The following CCDC60 variants were observed in gnomAD, a reference collection of about 807,000 sequenced individuals.
CCDC60 encodes the protein coiled-coil domain-containing protein 60.
Under a neutral mutation model 63.5 loss-of-function variants are expected in CCDC60, and 54 were observed. The ratio of observed to expected loss-of-function variants is 0.85; its 90% CI spans 0.68 to 1.07. The LOEUF (loss-of-function observed/expected upper bound fraction) is 1.07, where lower values mean the gene tolerates loss of function less well. Among genes scored for constraint, CCDC60 ranks in the 50% least tolerant of loss-of-function variants. CCDC60 has a pLI of 0.00. For missense variants in CCDC60, 651 were observed against 684.3 expected (o/e 0.95, Z 0.54); for synonymous variants, 206 against 238.8 (o/e 0.86, Z 1.27).
intron 7 of CCDC60, among the ~76,000 whole-genome samples, chr12:119,507,721 C>T (rs1395184763): frequency 1.3e-5 from 2 of 148,158 alleles, no homozygotes; most frequent in Non-Finnish European, 3.0e-5. Context: ...GCTCAAACAA[C>T]CCTCCCACCT....
chr12:119,500,323 T>C (rs960976027), intron 6 of CCDC60, among the ~76,000 whole-genome samples, 155 bp downstream of exon 6: 8 of 152,058 alleles, frequency 5.3e-5, no homozygotes, highest in African/African-American at 1.7e-4. Context: ...GGATGGTTTT[T>C]GTAAATTTTA....
intron 4 of CCDC60, chr12:119,479,867 A>AT (rs1342751128): frequency 1.3e-5 from 2 of 152,114 alleles, no homozygotes; most frequent in African/African-American, 4.8e-5. Flanking sequence ...TGTCCTGTGT[A>AT]TTGTAGGATG....
intron 1 of CCDC60, among the ~76,000 whole-genome samples, chr12:119,391,332 C>T (rs1956154924): frequency 6.6e-6 from 1 of 152,238 alleles, no homozygotes; most frequent in African/African-American, 2.4e-5. Flanking sequence ...TTATAGAGGA[C>T]ATTCTGAGCT....
chr12:119,504,981 C>T, intron 6 of CCDC60, 88 bp from the exon 7 acceptor site: 1 of 988,068 alleles, frequency 1.0e-6, no homozygotes, highest in African/African-American at 1.6e-5. Context: ...TGCTGTCCCT[C>T]CCCACCTTCC....
At chr12:119,491,712 C>T (rs1951590501) in intron 5 of CCDC60, among the ~76,000 whole-genome samples, 1 of 144,564 alleles carries the variant, frequency 6.9e-6, no homozygotes, top group Non-Finnish European at 1.5e-5. Flanking sequence ...AAAGCAATAT[C>T]TTTTTTTTTT....
chr12:119,350,677 G>A (rs984750593), intron 1 of CCDC60, among the ~76,000 whole-genome samples: 1 of 152,144 alleles, frequency 6.6e-6, no homozygotes, highest in African/African-American at 2.4e-5. Context: ...AATTTTGTTG[G>A]CTGAAGGTAA....
chr12:119,397,175 G>A (rs1956272053), intron 1 of CCDC60, among the ~76,000 whole-genome samples: 1 of 152,202 alleles, frequency 6.6e-6, no homozygotes. Context: ...GAGCATTACA[G>A]CTCATAAAGG....
rs71455184 is a variant in CCDC60 at position 119,389,163 on chromosome 12, T to TGTC, written c.91-39520_91-39519insGTC. Among the ~76,000 whole-genome samples the TGTC allele has an allele frequency of 7.6e-3, 1,164 of 152,282 alleles. 7 individuals carry two copies. Among genetic ancestry groups the TGTC allele is most frequent in the Non-Finnish European group, 0.012 (822 of 68,014 alleles). ...AGGCAATGCCTTAAGGAGCATCCCT[T>TGTC]TACCAATGGCAGACAAATGATAACA... On this transcript the variant is annotated intron_variant, in intron 1 of 13. Transcript: ENST00000327554.
At chr12:119,345,817 T>TG (rs71451836) in intron 1 of CCDC60, among the ~76,000 whole-genome samples, 48,131 of 151,634 alleles carry the variant, frequency 0.32, 8,826 homozygotes, top group Middle Eastern at 0.44. Flanking sequence ...TGTTTTTTGT[T>TG]TTTTTTTGTT....
chr12:119,405,340 C>T (rs1440123168), intron 1 of CCDC60, among the ~76,000 whole-genome samples: 1 of 152,134 alleles, frequency 6.6e-6, no homozygotes, highest in Non-Finnish European at 1.5e-5. Flanking sequence ...ATTACATTTC[C>T]TTGAATTTCC....
chr12:119,462,791 C>CATTCATTT (rs1555246400), intron 2 of CCDC60, among the ~76,000 whole-genome samples: 2 of 140,800 alleles, frequency 1.4e-5, no homozygotes, highest in Non-Finnish European at 1.5e-5. Context: ...CAACTAACTT[C>CATTCATTT]ATTTATTTAT....
intron 1 of CCDC60, among the ~76,000 whole-genome samples, chr12:119,350,504 A>C (rs1034717921): frequency 5.9e-5 from 9 of 152,098 alleles, no homozygotes; most frequent in Non-Finnish European, 1.2e-4. Context: ...AAGTGCTGGG[A>C]TTACAGATGT....
At chr12:119,432,706 A>G (rs1950252925) in intron 2 of CCDC60, among the ~76,000 whole-genome samples, 1 of 152,212 alleles carries the variant, frequency 6.6e-6, no homozygotes, top group South Asian at 2.1e-4. Context: ...TTGTAACTAG[A>G]GCCCACTGCT....
chr12:119,401,615 A>T (rs1459937013), intron 1 of CCDC60, among the ~76,000 whole-genome samples: 1 of 152,064 alleles, frequency 6.6e-6, no homozygotes, highest in African/African-American at 2.4e-5. Flanking sequence ...GATAATTAAA[A>T]CCCAGTCTTC....
chr12:119,369,596 A>G (rs929376354), intron 1 of CCDC60, among the ~76,000 whole-genome samples: 4 of 152,230 alleles, frequency 2.6e-5, no homozygotes, highest in African/African-American at 4.8e-5. Context: ...GTGCAGCCAT[A>G]GGCAAGTTAC....
chr12:119,528,321 T>C (rs1952748414), intron 11 of CCDC60, among the ~76,000 whole-genome samples: 1 of 152,086 alleles, frequency 6.6e-6, no homozygotes, highest in Non-Finnish European at 1.5e-5. Flanking sequence ...GGAATCATTA[T>C]TATTCCCCAT....
In CCDC60 at chr12:119,409,000, G is replaced by A. The variant is rs867719716; in HGVS notation, c.91-19683G>A. On this transcript the variant is annotated intron_variant, in intron 1 of 13. Transcript: ENST00000327554. ...ATGTTTATCCTGTAACCTCATCTCA[G>A]AAGGGACATTGCATCACTTTTGCCA... Among the ~76,000 whole-genome samples the A allele has an allele frequency of 5.9e-5, 9 of 152,316 alleles. No individual in the cohort carries two copies. The South Asian group carries it at 1.5e-3, about 25-fold the overall frequency.
At chr12:119,378,710 T>G (rs1955979290) in intron 1 of CCDC60, among the ~76,000 whole-genome samples, 1 of 152,136 alleles carries the variant, frequency 6.6e-6, no homozygotes, top group African/African-American at 2.4e-5. Flanking sequence ...CCTCCAACAG[T>G]TGTAAGTGGA....
chr12:119,362,998 TG>T (rs1299700742), intron 1 of CCDC60, among the ~76,000 whole-genome samples: 1 of 152,172 alleles, frequency 6.6e-6, no homozygotes, highest in Non-Finnish European at 1.5e-5. Flanking sequence ...CTCGGGAGGC[TG>T]GGGCAGGAGA....
Sources: gnomAD v4.1 joint callset for allele counts (sites outside exome capture counted in the v4.1 genomes callset) on GRCh38, gnomAD v4.1.1 for gene constraint, MANE v1.5 for transcripts, NCBI Gene and HGNC (gene_info 2026-07-23, HGNC 2026-07-21) for gene names.